The following CASR variants were observed in gnomAD, a reference collection of about 807,000 sequenced individuals.
CASR encodes calcium sensing receptor, also known as extracellular calcium-sensing receptor.
In CASR, 23 loss-of-function variants were observed where a neutral mutation model predicts 69.1. The ratio of observed to expected loss-of-function variants is 0.33; its 90% confidence interval spans 0.24 to 0.47. The LOEUF is 0.47. Ranked by LOEUF, CASR falls within the 20% of genes least tolerant of loss-of-function variation. CASR has a pLI of 1.00. For missense variants in CASR, 924 were observed against 1,356.1 expected (o/e 0.68, Z 5.00); for synonymous variants, 541 against 544.7 (o/e 0.99, Z 0.10).
intron 1 of CASR, among the ~76,000 whole-genome samples, chr3:122,241,192 A>C (rs2074375922): frequency 6.6e-6 from 1 of 152,134 alleles, no homozygotes; most frequent in African/African-American, 2.4e-5. Flanking sequence ...TCAGAGCAGA[A>C]ATAAATGAAA....
At chr3:122,214,611 G>A (rs2107597729) in intron 1 of CASR, among the ~76,000 whole-genome samples, 1 of 152,320 alleles carries the variant, frequency 6.6e-6, no homozygotes, top group East Asian at 1.9e-4. Flanking sequence ...AACAGGGAAA[G>A]ATGTACTACT....
At chr3:122,201,997 C>A (rs1397990073) in intron 1 of CASR, among the ~76,000 whole-genome samples, 3 of 152,160 alleles carry the variant, frequency 2.0e-5, no homozygotes, top group African/African-American at 4.8e-5. Flanking sequence ...CAGAGACGCT[C>A]CTCACTTCCC....
At chr3:122,259,789 C>T (rs1050726982) in intron 3 of CASR, among the ~76,000 whole-genome samples, 1 of 151,962 alleles carries the variant, frequency 6.6e-6, no homozygotes, top group East Asian at 1.9e-4. Flanking sequence ...GCCACCACGC[C>T]CGGCTAATTT....
rs1308504648 is a variant in CASR, at chr3:122,286,623, T to TATGG, written c.*1432_*1433insATGG. ...CTCTCTCTGTAATAAGCCCAAGAGC[T>TATGG]CTGGGCCCAACACATGGGGTCAGCC... On this transcript the variant is annotated 3_prime_UTR_variant, in exon 7 of 7. Transcript: ENST00000639785. 1 of 152,150 alleles carries TATGG rather than the reference T, an allele frequency of 6.6e-6. No homozygotes were observed. The highest frequency in any genetic ancestry group is 2.4e-5 in the African/African-American group (1 of 41,430). 9.4% of individuals were successfully genotyped at this position (152,150 alleles called of 1,614,324 possible). A position where few individuals can be genotyped will look rare whatever the true frequency, so the allele number is the denominator to read the frequency against.
rs1576881286 is a variant in CASR at position 122,289,920 on chromosome 3, T to A, written c.*4729T>A. On this transcript the variant is annotated 3_prime_UTR_variant, in exon 7 of 7. Coordinates refer to ENST00000639785, the MANE Select transcript of CASR (RefSeq NM_000388.4). ...GGCAAAACCCCATCTCTACAAACAA[T>A]AAAAAAAAAAAACAGCTGGACATGG... 4 of 147,928 alleles carry A rather than the reference T, an allele frequency of 2.7e-5. No homozygotes were observed. The highest frequency in any genetic ancestry group is 1.5e-5 in the Non-Finnish European group (1 of 66,982). The allele number at this position is 147,928 out of a possible 1,614,324, so 9.2% of individuals were successfully genotyped here. A position where few individuals can be genotyped will look rare whatever the true frequency, so the allele number is the denominator to read the frequency against.
At chr3:122,279,641 A>G (rs1221459401) in intron 5 of CASR, among the ~76,000 whole-genome samples, 1 of 152,204 alleles carries the variant, frequency 6.6e-6, no homozygotes, top group East Asian at 1.9e-4. Context: ...CAGAAAAAGT[A>G]TCTATTAACA....
chr3:122,261,617 C>T lies in CASR; in HGVS notation c.582C>T (p.Ala194=). Residue 194 remains alanine (A), a synonymous_variant, in exon 4 of 7, where the codon GCC becomes GCT. Coordinates refer to ENST00000639785, the MANE Select transcript of CASR (RefSeq NM_000388.4). ...CCATCCCCAATGATGAGCACCAGGC[C>T]ACTGCCATGGCAGACATCATCGAGT... is the stretch of plus-strand genomic sequence containing the variant. The part of the protein sequence containing the change: ...LRTIPNDEHQ[A]TAMADIIEYF... 1.2e-6 allele frequency: 2 copies of T among 1,614,182 alleles called. No homozygotes were observed. Among genetic ancestry groups the T allele is most frequent in the Admixed American group, 1.7e-5 (1 of 60,032 alleles).
intron 4 of CASR, among the ~76,000 whole-genome samples, chr3:122,271,927 C>G (rs1241098307): frequency 6.6e-6 from 1 of 152,140 alleles, no homozygotes; most frequent in Non-Finnish European, 1.5e-5. Context: ...CTTTTTACAG[C>G]CAAATAGTAT....
In CASR at chr3:122,283,720, T is replaced by C; in HGVS notation, c.1766T>C (p.Phe589Ser). 1 of 1,614,202 alleles carries C rather than the reference T, an allele frequency of 6.2e-7. No homozygotes were observed. The highest frequency in any genetic ancestry group is 1.1e-5 in the South Asian group (1 of 91,086). Residue 589 changes from phenylalanine to serine, a missense_variant, in exon 7 of 7, where the codon TTC (phenylalanine) becomes TCC (serine). Phe to Ser is a radical substitution (Grantham distance 155). Transcript: ENST00000639785. ...GCCTGTAACAAGTGCCCAGATGACTTCTGGTCCAATGAGAACCACACCTCC... is the reference window on the plus strand; with the variant it reads ...GCCTGTAACAAGTGCCCAGATGACTCCTGGTCCAATGAGAACCACACCTCC... ...ASACNKCPDD[F>S]WSNENHTSCI...
rs762352492 is a variant in CASR, at chr3:122,261,563, C to A, written c.528C>A (p.Asn176Lys). 6.2e-7 allele frequency: 1 copy of A among 1,614,224 alleles called. No homozygotes were observed. The highest frequency in any genetic ancestry group is 8.5e-7 in the Non-Finnish European group (1 of 1,180,040). Residue 176 changes from asparagine to lysine, a missense_variant, in exon 4 of 7, where the codon AAC becomes AAA. Asn to Lys is a moderately conservative substitution (Grantham distance 94). Coordinates refer to ENST00000639785, the MANE Select transcript of CASR (RefSeq NM_000388.4). ...SYASSSRLLS[N>K]KNQFKSFLRT... ...CCTCCTCCAGCAGACTCCTCAGCAACAAGAATCAATTCAAGTCTTTCCTCC... is the reference window on the plus strand; with the variant it reads ...CCTCCTCCAGCAGACTCCTCAGCAAAAAGAATCAATTCAAGTCTTTCCTCC...
chr3:122,269,333 C>A lies in CASR; in HGVS notation c.1378-6479C>A, dbSNP rs80182219. On this transcript the variant is annotated intron_variant, in intron 4 of 6. Coordinates refer to ENST00000639785, the MANE Select transcript of CASR (RefSeq NM_000388.4). ...AGGGGGAAAGCATTCAGTCTTTTAC[C>A]ACTGAGTATGATGTTAACTTTCATA... 1.4e-4 allele frequency among the ~76,000 whole-genome samples: 22 copies of A among 152,230 alleles called. No individual in the cohort carries two copies. The East Asian group carries it at 4.2e-3, about 29-fold the overall frequency.
intron 1 of CASR, among the ~76,000 whole-genome samples, chr3:122,227,900 A>T (rs1443475333): frequency 6.6e-6 from 1 of 152,166 alleles, no homozygotes; most frequent in Non-Finnish European, 1.5e-5. Flanking sequence ...GATAAAAACT[A>T]GTTAAAAATA....
At chr3:122,271,225 G>T (rs985937040) in intron 4 of CASR, among the ~76,000 whole-genome samples, 4 of 152,156 alleles carry the variant, frequency 2.6e-5, no homozygotes, top group African/African-American at 9.7e-5. Context: ...AAAAGACAAG[G>T]TTTGAGTATC....
intron 1 of CASR, among the ~76,000 whole-genome samples, chr3:122,239,834 C>G (rs2074363396): frequency 6.6e-6 from 1 of 152,068 alleles, no homozygotes; most frequent in African/African-American, 2.4e-5. Flanking sequence ...AATACACAGT[C>G]AGAGGAGACA....
chr3:122,260,582 G>C (rs908233509), intron 3 of CASR, among the ~76,000 whole-genome samples: 7 of 152,126 alleles, frequency 4.6e-5, no homozygotes, highest in Admixed American at 1.3e-4. Context: ...TTCAAAAGTG[G>C]GTCTGCTAAC....
intron 1 of CASR, among the ~76,000 whole-genome samples, chr3:122,207,637 G>A (rs1405597407): frequency 6.6e-6 from 1 of 152,036 alleles, no homozygotes; most frequent in African/African-American, 2.4e-5. Flanking sequence ...AAATGGAAAT[G>A]CAACGTACTA....
rs2075011259 is a variant in CASR, at chr3:122,291,435, G to A, written c.*6244G>A. The A allele has an allele frequency of 6.6e-6, 1 of 151,974 alleles. No homozygotes were observed. The highest frequency in any genetic ancestry group is 6.6e-5 in the Admixed American group (1 of 15,242). The allele number at this position is 151,974 out of a possible 1,614,324, so 9.4% of individuals were successfully genotyped here. A position where few individuals can be genotyped will look rare whatever the true frequency, so the allele number is the denominator to read the frequency against. ...ATGATCGCCATTCTAACTGGTGTGA[G>A]ATGGTATCTCATTGTGGTTTTGATT... On this transcript the variant is annotated 3_prime_UTR_variant, in exon 7 of 7. Transcript: ENST00000639785.
chr3:122,192,273 G>A (rs905907454), intron 1 of CASR, among the ~76,000 whole-genome samples: 5 of 152,172 alleles, frequency 3.3e-5, no homozygotes, highest in Admixed American at 3.3e-4. Flanking sequence ...TGTAACTTTG[G>A]AACCTCTCCA....
chr3:122,186,804 AC>A lies in CASR; in HGVS notation c.-243+2994del, dbSNP rs368398062. Among the ~76,000 whole-genome samples the A allele has an allele frequency of 9.8e-5, 15 of 152,318 alleles. No individual in the cohort carries two copies. In the East Asian group the frequency reaches 2.1e-3, roughly 22 times the overall value. On this transcript the variant is annotated intron_variant, in intron 1 of 6. Transcript: ENST00000639785. ...AGGATATATTTGTTGTTTACGTAGG[AC>A]CAGAATGTATCCACTAGGAATGGTG...
Sources: gnomAD v4.1 joint callset for allele counts (sites outside exome capture counted in the v4.1 genomes callset) on GRCh38, gnomAD v4.1.1 for gene constraint, MANE v1.5 for transcripts, NCBI Gene and HGNC (gene_info 2026-07-23, HGNC 2026-07-21) for gene names.